The following LYRM4 variants were observed in gnomAD, a reference collection of about 807,000 sequenced individuals.
The protein encoded by LYRM4 is LYR motif-containing protein 4.
LYRM4 carries 9 observed loss-of-function variants against 11.7 expected under a neutral mutation model. The observed-to-expected ratio is 0.77, with a 90% confidence interval of 0.46 to 1.34. The LOEUF is 1.34. Ranked by LOEUF, LYRM4 falls within the 40% of genes most tolerant of loss-of-function variation. The pLI, the probability that LYRM4 is intolerant of heterozygous loss-of-function variation, is 0.00. For missense variants in LYRM4, 133 were observed against 112.5 expected (o/e 1.18, Z -0.82); for synonymous variants, 42 against 40.4 (o/e 1.04, Z -0.15).
At chr6:5,229,735 A>C (rs995214390) in intron 1 of LYRM4, among the ~76,000 whole-genome samples, 1 of 152,244 alleles carries the variant, frequency 6.6e-6, no homozygotes, top group Non-Finnish European at 1.5e-5. Flanking sequence ...TGACAGTTTC[A>C]TATATCTGCA....
At position 5,109,319 on chromosome 6, in the gene LYRM4, G is replaced by T; in HGVS notation, c.*104C>A. On this transcript the variant is annotated 3_prime_UTR_variant, in exon 3 of 3. Coordinates refer to ENST00000330636, the MANE Select transcript of LYRM4 (RefSeq NM_020408.6). ...TTTATCAGCTCCCACAGGACAGGCA[G>T]CGCAAAAGGCTATTGTAAGCTGGTT... The T allele has an allele frequency of 1.3e-6, 2 of 1,581,894 alleles. No individual in the cohort carries two copies. Among genetic ancestry groups the T allele is most frequent in the Admixed American group, 1.7e-5 (1 of 58,748 alleles).
At chr6:5,040,396 A>ATAC in the LYRM4 span, among the ~76,000 whole-genome samples, 2 of 112,784 alleles carry the variant, frequency 1.8e-5, no homozygotes, top group Admixed American at 9.0e-5. Context: ...TACATACATA[A>ATAC]AGAAATTTCT....
chr6:5,158,888 C>CA (rs1177178102), intron 2 of LYRM4, among the ~76,000 whole-genome samples: 4 of 152,264 alleles, frequency 2.6e-5, no homozygotes, highest in African/African-American at 9.6e-5. Context: ...CCAGGGGCAA[C>CA]ATGCCTAGCA....
the LYRM4 span, chr6:5,086,819 T>C: frequency 3.9e-6 from 2 of 514,692 alleles, no homozygotes; most frequent in Non-Finnish European, 6.8e-6. Flanking sequence ...CTACAAGGCC[T>C]CTAGAATTCC....
intron 1 of LYRM4, among the ~76,000 whole-genome samples, chr6:5,245,505 A>G (rs1047443078): frequency 1.3e-5 from 2 of 152,092 alleles, no homozygotes; most frequent in African/African-American, 4.8e-5. Context: ...AGTGATGGGG[A>G]CATGTTATAG....
At chr6:5,158,105 C>A (rs1037191501) in intron 2 of LYRM4, among the ~76,000 whole-genome samples, 1 of 152,152 alleles carries the variant, frequency 6.6e-6, no homozygotes, top group Non-Finnish European at 1.5e-5. Flanking sequence ...TAGCTCCCAC[C>A]ACCCAAATGT....
At chr6:5,035,328 C>T in the LYRM4 span, among the ~76,000 whole-genome samples, 367 of 151,966 alleles carry the variant, frequency 2.4e-3, 1 homozygote, top group African/African-American at 8.5e-3. Flanking sequence ...CATCTAGTCA[C>T]CCAGATCCAT....
the LYRM4 span, among the ~76,000 whole-genome samples, chr6:5,042,210 C>G: frequency 6.6e-6 from 1 of 151,904 alleles, no homozygotes; most frequent in Non-Finnish European, 1.5e-5. Context: ...AATGGAGGGG[C>G]TGATATTTCA....
At chr6:5,226,377 T>C (rs1480088522) in intron 1 of LYRM4, among the ~76,000 whole-genome samples, 2 of 152,196 alleles carry the variant, frequency 1.3e-5, no homozygotes. Flanking sequence ...AACTTCACCA[T>C]CCATTGTTAA....
At chr6:5,256,351 G>T (rs771156234) in intron 1 of LYRM4, among the ~76,000 whole-genome samples, 1 of 151,674 alleles carries the variant, frequency 6.6e-6, no homozygotes, top group Non-Finnish European at 1.5e-5. Flanking sequence ...TTAGCCAGGC[G>T]TAGTGGCAGG....
intron 2 of LYRM4, among the ~76,000 whole-genome samples, chr6:5,192,882 C>T (rs569519732): frequency 6.6e-6 from 1 of 152,252 alleles, no homozygotes; most frequent in East Asian, 1.9e-4. Flanking sequence ...AAAAATTAGC[C>T]AGGCTTGGTG....
chr6:5,097,437 G>A, the LYRM4 span, among the ~76,000 whole-genome samples: 1 of 127,900 alleles, frequency 7.8e-6, no homozygotes, highest in Admixed American at 8.6e-5. Flanking sequence ...AAAGTGATGG[G>A]CTAAAGTGAT....
intron 2 of LYRM4, among the ~76,000 whole-genome samples, chr6:5,143,845 G>A (rs896705664): frequency 6.6e-6 from 1 of 152,230 alleles, no homozygotes; most frequent in African/African-American, 2.4e-5. Flanking sequence ...ACTGGCTGCC[G>A]GGTTCTCAAG....
chr6:5,208,789 CT>C (rs973438338), intron 2 of LYRM4, among the ~76,000 whole-genome samples: 4 of 152,286 alleles, frequency 2.6e-5, no homozygotes, highest in South Asian at 2.1e-4. Context: ...TTGAAGACAT[CT>C]TTTTATAGCT....
At chr6:5,032,102 C>T in the LYRM4 span, 5 of 152,096 alleles carry the variant, frequency 3.3e-5, no homozygotes, top group African/African-American at 1.2e-4. Context: ...TTTATAAATG[C>T]AGTTAGATAA....
chr6:5,219,120 T>C (rs184606782), intron 1 of LYRM4, among the ~76,000 whole-genome samples: 116 of 152,354 alleles, frequency 7.6e-4, no homozygotes, highest in Non-Finnish European at 1.4e-3. Context: ...ACAGTAGCTA[T>C]TGCTAAACTC....
chr6:5,120,810 G>A (rs929166909), intron 2 of LYRM4, among the ~76,000 whole-genome samples: 6 of 152,082 alleles, frequency 3.9e-5, no homozygotes, highest in Non-Finnish European at 5.9e-5. Context: ...ACAGAGTGCC[G>A]ATTGGTGCGT....
At chr6:5,205,690 C>T (rs146639905) in intron 2 of LYRM4, among the ~76,000 whole-genome samples, 1 of 152,184 alleles carries the variant, frequency 6.6e-6, no homozygotes, top group African/African-American at 2.4e-5. Context: ...TTTGGCTCTG[C>T]TAAAATAGAA....
chr6:5,067,017 G>C, the LYRM4 span: 1 of 632,152 alleles, frequency 1.6e-6, no homozygotes. Flanking sequence ...AAGGATTACC[G>C]GGGGTTGCTA....
Sources: gnomAD v4.1 joint callset for allele counts (sites outside exome capture counted in the v4.1 genomes callset) on GRCh38, gnomAD v4.1.1 for gene constraint, MANE v1.5 for transcripts, NCBI Gene and HGNC (gene_info 2026-07-23, HGNC 2026-07-21) for gene names.